MAST4: variants seen among roughly 807,000 people sequenced by gnomAD.
The protein encoded by MAST4 is microtubule associated serine/threonine kinase family member 4, also known as microtubule-associated serine/threonine-protein kinase 4.
In MAST4, 89 loss-of-function variants were observed where a neutral mutation model predicts 162.7. The ratio of observed to expected loss-of-function variants is 0.55; its 90% CI spans 0.46 to 0.65. MAST4 has a LOEUF of 0.65. Ranked by LOEUF, MAST4 falls within the 30% of genes least tolerant of loss-of-function variation. MAST4 has a pLI of 0.00. For missense variants in MAST4, 3,153 were observed against 3,374.0 expected (o/e 0.93, Z 1.62); for synonymous variants, 1,479 against 1,361.1 (o/e 1.09, Z -1.91).
At chr5:66,824,077 T>C (rs1757124290) in intron 3 of MAST4, among the ~76,000 whole-genome samples, 1 of 152,220 alleles carries the variant, frequency 6.6e-6, no homozygotes, top group Non-Finnish European at 1.5e-5. Flanking sequence ...CACTTGGCCA[T>C]ATTGACTTAC....
intron 27 of MAST4, among the ~76,000 whole-genome samples, chr5:67,161,322 T>G (rs1035054633): frequency 6.6e-6 from 1 of 151,232 alleles, no homozygotes; most frequent in Non-Finnish European, 1.5e-5. Context: ...GTATTAACTC[T>G]GGGGGGAAAA....
chr5:66,955,228 AG>A lies in MAST4; in HGVS notation c.674+55247del, dbSNP rs1245220477. ...CCTTGTCTCAGAAAAAAAAAAAAAA[AG>A]AAACACTAGATGAGGGAGCCTTGTG... On this transcript the variant is annotated intron_variant, in intron 4 of 28. Coordinates refer to ENST00000403625, the MANE Select transcript of MAST4 (RefSeq NM_001164664.2). Among the ~76,000 whole-genome samples the A allele has an allele frequency of 5.3e-5, 8 of 151,702 alleles. No individual in the cohort carries two copies. In the East Asian group the frequency reaches 1.5e-3, roughly 29 times the overall value.
At chr5:66,938,337 A>G (rs1002903682) in intron 4 of MAST4, among the ~76,000 whole-genome samples, 10 of 152,334 alleles carry the variant, frequency 6.6e-5, no homozygotes, top group Middle Eastern at 3.4e-3. Context: ...GTTTTTAGTT[A>G]CATGGTAATT....
intron 1 of MAST4, among the ~76,000 whole-genome samples, chr5:66,598,656 T>A (rs61423856): frequency 0.22 from 33,634 of 152,256 alleles, 4,140 homozygotes; most frequent in South Asian, 0.33. Flanking sequence ...CACACTGGCA[T>A]TGGGAAGCTG....
chr5:67,126,811 T>C (rs773589353), intron 14 of MAST4, among the ~76,000 whole-genome samples: 7 of 152,348 alleles, frequency 4.6e-5, no homozygotes, highest in Non-Finnish European at 1.0e-4. Context: ...GGGGATAACA[T>C]TGAATCTATA....
chr5:66,882,584 CTTTT>C (rs1561411093), intron 3 of MAST4, among the ~76,000 whole-genome samples: 1 of 152,028 alleles, frequency 6.6e-6, no homozygotes, highest in Non-Finnish European at 1.5e-5. Context: ...CTAGATTTTT[CTTTT>C]TTGTTTTTAT....
chr5:66,941,065 T>G (rs1354543122), intron 4 of MAST4, among the ~76,000 whole-genome samples: 1 of 152,174 alleles, frequency 6.6e-6, no homozygotes. Flanking sequence ...AAATATTTCA[T>G]AAATTATGCT....
chr5:66,978,724 G>C (rs185115117), intron 4 of MAST4, among the ~76,000 whole-genome samples: 1 of 152,350 alleles, frequency 6.6e-6, no homozygotes, highest in Non-Finnish European at 1.5e-5. Context: ...AGGTAAGCCA[G>C]CTTGCCTGAG....
chr5:67,097,584 T>C (rs1368163141), intron 7 of MAST4, among the ~76,000 whole-genome samples: 2 of 152,182 alleles, frequency 1.3e-5, no homozygotes. Flanking sequence ...CGTTGCTGTC[T>C]CTAAATTCTG....
chr5:66,898,262 A>G (rs1762806031), intron 3 of MAST4, among the ~76,000 whole-genome samples: 1 of 152,180 alleles, frequency 6.6e-6, no homozygotes, highest in Admixed American at 6.5e-5. Context: ...AGCTTGGGCA[A>G]TGTAGTGAGA....
intron 1 of MAST4, among the ~76,000 whole-genome samples, chr5:66,720,616 G>T (rs1424441011): frequency 6.6e-6 from 1 of 151,812 alleles, no homozygotes; most frequent in African/African-American, 2.4e-5. Flanking sequence ...GATGAGCCTC[G>T]CAAGAGGTTT....
chr5:66,894,845 A>G (rs993517967), intron 3 of MAST4, among the ~76,000 whole-genome samples: 14 of 151,380 alleles, frequency 9.2e-5, no homozygotes, highest in African/African-American at 3.4e-4. Flanking sequence ...ACTTGGCCCT[A>G]CCTCCCACTA....
intron 14 of MAST4, among the ~76,000 whole-genome samples, chr5:67,126,031 A>T (rs752592203): frequency 5.3e-5 from 8 of 152,172 alleles, no homozygotes; most frequent in Non-Finnish European, 8.8e-5. Flanking sequence ...TGTTGGCTGC[A>T]TAAATGTCTT....
chr5:67,140,683 C>T (rs1487882505), intron 19 of MAST4, among the ~76,000 whole-genome samples: 1 of 152,204 alleles, frequency 6.6e-6, no homozygotes, highest in Non-Finnish European at 1.5e-5. Flanking sequence ...TTTCCACATC[C>T]ACAAAAGGTG....
chr5:66,674,910 T>C (rs1393638188), intron 1 of MAST4, among the ~76,000 whole-genome samples: 1 of 152,126 alleles, frequency 6.6e-6, no homozygotes, highest in Non-Finnish European at 1.5e-5. Flanking sequence ...GATAACTTGA[T>C]GGAAAAACTA....
At chr5:66,911,141 C>G (rs1471660086) in intron 4 of MAST4, among the ~76,000 whole-genome samples, 1 of 152,086 alleles carries the variant, frequency 6.6e-6, no homozygotes, top group East Asian at 1.9e-4. Context: ...TGAGACAAAC[C>G]CATGGAAATG....
chr5:66,888,887 A>C (rs1009536296), intron 3 of MAST4, among the ~76,000 whole-genome samples: 2 of 152,200 alleles, frequency 1.3e-5, no homozygotes, highest in African/African-American at 4.8e-5. Flanking sequence ...ATTGATATTC[A>C]CTTCTTTCCC....
At chr5:66,931,422 G>A (rs7734995) in intron 4 of MAST4, among the ~76,000 whole-genome samples, 2,188 of 152,146 alleles carry the variant, frequency 0.014, 48 homozygotes, top group African/African-American at 0.05. Flanking sequence ...TGGAATTTCT[G>A]TACTGGGTTT....
chr5:67,070,441 C>T (rs927667814), intron 5 of MAST4, among the ~76,000 whole-genome samples: 1 of 152,168 alleles, frequency 6.6e-6, no homozygotes, highest in African/African-American at 2.4e-5. Flanking sequence ...GCCTATCTAA[C>T]CTGAATTCTG....
Sources: gnomAD v4.1 joint callset for allele counts (sites outside exome capture counted in the v4.1 genomes callset) on GRCh38, gnomAD v4.1.1 for gene constraint, MANE v1.5 for transcripts, NCBI Gene and HGNC (gene_info 2026-07-23, HGNC 2026-07-21) for gene names.